The following SBNO2 variants were observed in gnomAD, a reference collection of about 807,000 sequenced individuals.
SBNO2 encodes the protein strawberry notch homolog 2, also known as protein strawberry notch homolog 2.
A neutral mutation model predicts 146.3 loss-of-function variants in SBNO2; 89 were observed. The observed-to-expected ratio is 0.61, with a 90% CI of 0.51 to 0.73. The LOEUF (loss-of-function observed/expected upper bound fraction) is 0.73, where lower values mean the gene tolerates loss of function less well. Among genes scored for constraint, SBNO2 ranks in the 30% least tolerant of loss-of-function variants. The pLI, the probability that SBNO2 is intolerant of heterozygous loss-of-function variation, is 0.00. For synonymous variants in SBNO2, 1,147 were observed against 892.6 expected (o/e 1.29, Z -5.08); for missense variants, 2,092 against 2,003.7 (o/e 1.04, Z -0.84).
chr19:1,132,334 T>C (rs1286033816), intron 4 of SBNO2: 4 of 1,270,254 alleles, frequency 3.1e-6, no homozygotes, highest in African/African-American at 1.6e-5. Flanking sequence ...TTTCAGGAAA[T>C]GATGCCGGCC....
chr19:1,115,344 G>GATTCTGCCTCCCGGGTTCATGCC (rs2079818424), intron 17 of SBNO2: 1 of 151,166 alleles, frequency 6.6e-6, no homozygotes, highest in East Asian at 2.0e-4. Flanking sequence ...AGGTTCAAGC[G>GATTCTGCCTCCCGGGTTCATGCC]ATTCCCCTGC....
intron 1 of SBNO2, among the ~76,000 whole-genome samples, chr19:1,164,477 G>A (rs374315953): frequency 4.8e-5 from 7 of 146,106 alleles, no homozygotes; most frequent in South Asian, 4.4e-4. Context: ...CTGTGGGGAC[G>A]TCCCAGATGC....
intron 17 of SBNO2, among the ~76,000 whole-genome samples, chr19:1,114,682 C>T (rs924904204): frequency 6.6e-6 from 1 of 152,170 alleles, no homozygotes; most frequent in Non-Finnish European, 1.5e-5. Flanking sequence ...CTTACTCTGT[C>T]GCCAGGCTGG....
intron 4 of SBNO2, among the ~76,000 whole-genome samples, chr19:1,133,159 G>A (rs2080050455): frequency 6.6e-6 from 1 of 152,156 alleles, no homozygotes; most frequent in African/African-American, 2.4e-5. Flanking sequence ...GCCGGGCTGT[G>A]GAGAGGACGG....
chr19:1,109,285 C>T lies in SBNO2; in HGVS notation c.3348+7G>A. 3 of 1,588,640 alleles carry T rather than the reference C, an allele frequency of 1.9e-6. No individual in the cohort carries two copies. The highest frequency in any genetic ancestry group is 1.3e-5 in the African/African-American group (1 of 74,636). On this transcript the variant is annotated splice_region_variant and intron_variant, in intron 29 of 31. Coordinates refer to ENST00000361757, the MANE Select transcript of SBNO2 (RefSeq NM_014963.3). The surrounding 1 kb of genome is among the most constrained non-coding windows in gnomAD (Gnocchi z 4.2). ...CCGAGCGAAAGCTGCGCCCGGCGGCCGCCTACCCGGTGGAACTTGCGGCGG... is the reference window on the plus strand; with the variant it reads ...CCGAGCGAAAGCTGCGCCCGGCGGCTGCCTACCCGGTGGAACTTGCGGCGG...
At chr19:1,135,891 G>A (rs1265002463) in intron 4 of SBNO2, among the ~76,000 whole-genome samples, 1 of 152,162 alleles carries the variant, frequency 6.6e-6, no homozygotes, top group Non-Finnish European at 1.5e-5. Flanking sequence ...CCCTCAGCAG[G>A]CCTGGTCACT....
Position 1,108,311 on chromosome 19 carries a change from G to A in SBNO2, c.4010C>T (p.Ala1337Val), listed in dbSNP as rs947624399. The change falls in exon 32 of 32, where the codon GCG (alanine) becomes GTG (valine). Residue 1337 changes from alanine (A) to valine (V), a missense_variant. Coordinates refer to ENST00000361757, the MANE Select transcript of SBNO2 (RefSeq NM_014963.3). ...ACCGCCCGCCGCGCCCCCCGCCCCCGCGCCCTCCCCCAGCGCGCCCTCGGA... is the reference window on the plus strand; with the variant it reads ...ACCGCCCGCCGCGCCCCCCGCCCCCACGCCCTCCCCCAGCGCGCCCTCGGA... ...PPSEGALGEGAGAGGAAGGGP... is the reference protein window; with the variant it reads ...PPSEGALGEGVGAGGAAGGGP... The A allele has an allele frequency of 1.5e-6, 2 of 1,365,346 alleles. No homozygotes were observed. Among genetic ancestry groups the A allele is most frequent in the Non-Finnish European group, 2.0e-6 (2 of 1,017,888 alleles). The allele number at this position is 1,365,346 out of a possible 1,614,324, so 84.6% of individuals were successfully genotyped here. A position where few individuals can be genotyped will look rare whatever the true frequency, so the allele number is the denominator to read the frequency against.
rs188948779 is a variant in SBNO2 at position 1,126,837 on chromosome 19, G to A, written c.441+767C>T. On this transcript the variant is annotated intron_variant, in intron 5 of 31. Transcript: ENST00000361757. This position sits in a 1 kb window ranked among gnomAD's most constrained non-coding sequence, Gnocchi z 4.4. ...CCCGGATTGGGGAAGGGACTTGCCA[G>A]GCCTGGCTCCCAGCCATGCCTCCCT... Among the ~76,000 whole-genome samples, 1 of 152,314 alleles carries A rather than the reference G, an allele frequency of 6.6e-6. No individual in the cohort carries two copies. The highest frequency in any genetic ancestry group is 1.9e-4 in the East Asian group (1 of 5,184).
chr19:1,149,396 G>C lies in SBNO2; in HGVS notation c.140C>G (p.Pro47Arg). The part of the protein sequence containing the change: ...CPYWNTFSLP[P>R]YPAFSSDSRP... ...GCTGTCGCTGGAGAAGGCAGGGTATGGCGGCAGCGAGAAGGTGTTCCAGTA... is the reference window on the plus strand; with the variant it reads ...GCTGTCGCTGGAGAAGGCAGGGTATCGCGGCAGCGAGAAGGTGTTCCAGTA... Residue 47 changes from proline (P) to arginine (R), a missense_variant, in exon 3 of 32, where the codon CCA (proline) becomes CGA (arginine). Transcript: ENST00000361757. 4 of 1,552,532 alleles carry C rather than the reference G, an allele frequency of 2.6e-6. No homozygotes were observed. Among genetic ancestry groups the C allele is most frequent in the Non-Finnish European group, 3.5e-6 (4 of 1,148,242 alleles).
intron 1 of SBNO2, among the ~76,000 whole-genome samples, chr19:1,172,689 G>A (rs945320039): frequency 1.3e-5 from 2 of 151,824 alleles, no homozygotes; most frequent in African/African-American, 4.8e-5. Context: ...CTGCCCACGG[G>A]GTCTGCGGCC....
At position 1,136,885 on chromosome 19, in the gene SBNO2, C is replaced by T. The variant is rs72975595; in HGVS notation, c.280-9120G>A. The stretch of plus-strand genomic sequence containing the variant: ...AGAGAGTGTTGTTACCGGACAGCTG[C>T]GTTCCCAATGGTCCCTGCAGCCCCA... On this transcript the variant is annotated intron_variant, in intron 4 of 31. Transcript: ENST00000361757. The surrounding 1 kb of genome is among the most constrained non-coding windows in gnomAD (Gnocchi z 4.2). Among the ~76,000 whole-genome samples the T allele has an allele frequency of 0.098, 14,850 of 151,980 alleles. 917 individuals are homozygous for T. The highest frequency in any genetic ancestry group is 0.13 in the Admixed American group (1,963 of 15,276).
rs369457389 is a variant in SBNO2 at position 1,145,646 on chromosome 19, G to A, written c.279+1663C>T. On this transcript the variant is annotated intron_variant, in intron 4 of 31. Transcript: ENST00000361757. The stretch of plus-strand genomic sequence containing the variant: ...GAGCCACTGCCATCAGTCGCACCCC[G>A]GGCTCCTCCCCTGTGCGTCCCCTGA... Among the ~76,000 whole-genome samples, 10 of 152,190 alleles carry A rather than the reference G, an allele frequency of 6.6e-5. No individual in the cohort carries two copies. The South Asian group carries it at 1.0e-3, about 16-fold the overall frequency.
At chr19:1,119,713 C>T in intron 12 of SBNO2, 92 bp from the exon 13 acceptor site, 1 of 1,171,922 alleles carries the variant, frequency 8.5e-7, no homozygotes, top group Non-Finnish European at 1.2e-6. Flanking sequence ...CGACGAGGGG[C>T]CCTGCGGGGT....
At chr19:1,117,240 G>T in intron 15 of SBNO2, 83 bp downstream of exon 15, 1 of 1,364,052 alleles carries the variant, frequency 7.3e-7, no homozygotes, top group African/African-American at 1.5e-5. Context: ...TCTGGGGAGG[G>T]GCCAGGAAGG....
intron 4 of SBNO2, among the ~76,000 whole-genome samples, chr19:1,145,655 C>T (rs2080183104): frequency 6.6e-6 from 1 of 152,096 alleles, no homozygotes; most frequent in South Asian, 2.1e-4. Context: ...CGGGCTCCTC[C>T]CCTGTGCGTC....
intron 4 of SBNO2, chr19:1,128,222 C>T (rs759888663): frequency 2.0e-6 from 1 of 498,848 alleles, no homozygotes; most frequent in African/African-American, 1.9e-5. Flanking sequence ...TCTGCAGCAC[C>T]TGAAGGGCAG....
Position 1,108,388 on chromosome 19 carries a change from G to T in SBNO2, c.3933C>A (p.Asn1311Lys). 1.6e-6 allele frequency: 2 copies of T among 1,287,570 alleles called. No homozygotes were observed. Among genetic ancestry groups the T allele is most frequent in the Non-Finnish European group, 2.0e-6 (2 of 1,011,562 alleles). The allele number at this position is 1,287,570 out of a possible 1,614,324, so 79.8% of individuals were successfully genotyped here. The change falls in exon 32 of 32, where the codon AAC (asparagine) becomes AAA (lysine). Residue 1311 changes from asparagine (N) to lysine (K), a missense_variant. By Grantham distance (94) the Asn-to-Lys change is moderately conservative. Transcript: ENST00000361757. ...AALAHQGCDINFKEVLEDMLR... is the reference protein window; with the variant it reads ...AALAHQGCDIKFKEVLEDMLR... ...GCATGTCCTCCAGCACCTCCTTGAAGTTGATGTCGCAGCCCTGGTGCGCGA... is the reference window on the plus strand; with the variant it reads ...GCATGTCCTCCAGCACCTCCTTGAATTTGATGTCGCAGCCCTGGTGCGCGA...
At chr19:1,124,071 G>A (rs757197720) in intron 5 of SBNO2, 49 bp from the exon 6 acceptor site, 1 of 1,567,150 alleles carries the variant, frequency 6.4e-7, no homozygotes, top group Non-Finnish European at 8.7e-7. Context: ...ACAGGTCACA[G>A]CTGGTGGGCC....
chr19:1,172,213 C>G (rs926322447), intron 1 of SBNO2, among the ~76,000 whole-genome samples: 1 of 152,210 alleles, frequency 6.6e-6, no homozygotes, highest in Non-Finnish European at 1.5e-5. Context: ...TCTCCAAGGA[C>G]GAGAGCCTGC....
Sources: allele counts gnomAD v4.1 joint callset (sites outside exome capture counted in the v4.1 genomes callset), GRCh38; gene constraint gnomAD v4.1.1; non-coding constraint Gnocchi (gnomAD v3.1); transcripts MANE v1.5; gene names NCBI Gene and HGNC (gene_info 2026-07-23, HGNC 2026-07-21).